HS6ST2: variants seen among roughly 807,000 people sequenced by gnomAD.
The protein encoded by HS6ST2 is heparan-sulfate 6-O-sulfotransferase 2.
A neutral mutation model predicts 33.0 loss-of-function variants in HS6ST2; 17 were observed. The observed-to-expected ratio is 0.52, with a 90% CI of 0.35 to 0.77. The LOEUF is 0.77. Ranked by LOEUF, HS6ST2 falls within the 30% of genes least tolerant of loss-of-function variation. HS6ST2 has a pLI of 0.01. For synonymous variants in HS6ST2, 248 were observed against 237.1 expected (o/e 1.05, Z -0.42); for missense variants, 519 against 551.7 (o/e 0.94, Z 0.59).
chrX:132,708,884 G>A (rs778008390), intron 2 of HS6ST2, among the ~76,000 whole-genome samples: 23 of 112,378 alleles, frequency 2.0e-4, no homozygotes, highest in Non-Finnish European at 3.4e-4. Context: ...AAATGGAAAT[G>A]ACTGATTGAA....
chrX:132,640,258 T>A (rs2063592744), intron 4 of HS6ST2, among the ~76,000 whole-genome samples: 1 of 110,272 alleles, frequency 9.1e-6, no homozygotes, highest in African/African-American at 3.3e-5. Flanking sequence ...ATACAGAGAT[T>A]AAGTGAGAAA....
chrX:132,650,276 A>C (rs1277995597), intron 4 of HS6ST2, among the ~76,000 whole-genome samples: 1 of 111,412 alleles, frequency 9.0e-6, no homozygotes, highest in Non-Finnish European at 1.9e-5. Context: ...TCCTATTTGG[A>C]CAAAGAGGTA....
chrX:132,630,877 G>A (rs775891367), intron 4 of HS6ST2, among the ~76,000 whole-genome samples: 172 of 111,580 alleles, frequency 1.5e-3, no homozygotes, highest in African/African-American at 5.4e-3. Context: ...CCCAGGAGAC[G>A]GAGGTTGCAG....
intron 2 of HS6ST2, among the ~76,000 whole-genome samples, chrX:132,831,961 G>A (rs1336313623): frequency 2.7e-5 from 3 of 111,913 alleles, no homozygotes; most frequent in African/African-American, 9.7e-5. Flanking sequence ...AATAGCTGCA[G>A]AACAACCAAA....
chrX:132,829,363 C>T (rs1330867890), intron 2 of HS6ST2, among the ~76,000 whole-genome samples: 1 of 106,800 alleles, frequency 9.4e-6, no homozygotes, highest in East Asian at 2.9e-4. Context: ...AAATGCTGCT[C>T]AGATAGATCA....
chrX:132,735,633 G>C (rs1229660765), intron 2 of HS6ST2, among the ~76,000 whole-genome samples: 2 of 111,177 alleles, frequency 1.8e-5, no homozygotes, highest in East Asian at 5.7e-4. Context: ...TGGTCTCAAG[G>C]CTTTCTCCAG....
intron 2 of HS6ST2, among the ~76,000 whole-genome samples, chrX:132,951,379 T>C (rs1292768637): frequency 9.0e-6 from 1 of 110,763 alleles, no homozygotes; most frequent in African/African-American, 3.3e-5. Flanking sequence ...TTGCTGGACC[T>C]CAAAAGGTCA....
chrX:132,666,696 T>A (rs2063812692), intron 4 of HS6ST2, among the ~76,000 whole-genome samples: 1 of 111,843 alleles, frequency 8.9e-6, no homozygotes, highest in Admixed American at 9.5e-5. Context: ...TGACTTTTGC[T>A]TTTTTGTTTT....
chrX:132,848,002 T>C (rs1162350784), intron 2 of HS6ST2, among the ~76,000 whole-genome samples: 1 of 112,328 alleles, frequency 8.9e-6, no homozygotes, highest in Non-Finnish European at 1.9e-5. Flanking sequence ...GGATAACGAC[T>C]TGGTTGTAGA....
intron 2 of HS6ST2, among the ~76,000 whole-genome samples, chrX:132,932,753 G>A (rs1351932916): frequency 9.2e-6 from 1 of 108,318 alleles, no homozygotes; most frequent in South Asian, 4.0e-4. Context: ...AAGAAGTAAA[G>A]GAAGGTATAA....
At chrX:132,881,009 C>A (rs1340177384) in intron 2 of HS6ST2, among the ~76,000 whole-genome samples, 1 of 110,559 alleles carries the variant, frequency 9.0e-6, no homozygotes, top group African/African-American at 3.3e-5. Flanking sequence ...GCCACATTTT[C>A]TTAATCCAGT....
intron 2 of HS6ST2, among the ~76,000 whole-genome samples, chrX:132,805,836 A>G (rs1379041946): frequency 9.0e-6 from 1 of 110,561 alleles, no homozygotes; most frequent in East Asian, 2.8e-4. Context: ...GTACTCAGAC[A>G]CCCACTAGAG....
At chrX:132,951,057 A>G (rs1199354564) in intron 2 of HS6ST2, among the ~76,000 whole-genome samples, 1 of 110,971 alleles carries the variant, frequency 9.0e-6, no homozygotes, top group African/African-American at 3.3e-5. Flanking sequence ...AAATCTAGGC[A>G]ACAGGAACCA....
chrX:132,871,651 C>A (rs1212413876), intron 2 of HS6ST2, among the ~76,000 whole-genome samples: 1 of 110,621 alleles, frequency 9.0e-6, no homozygotes, highest in African/African-American at 3.3e-5. Context: ...AAGTTGGAAA[C>A]CATCATTCTC....
chrX:132,860,229 A>G (rs2065898364), intron 2 of HS6ST2, among the ~76,000 whole-genome samples: 1 of 111,976 alleles, frequency 8.9e-6, no homozygotes, highest in Admixed American at 9.4e-5. Flanking sequence ...TGAGCTTATG[A>G]GTGGCATATT....
chrX:132,859,917 G>A (rs2065894361), intron 2 of HS6ST2, among the ~76,000 whole-genome samples: 1 of 88,375 alleles, frequency 1.1e-5, no homozygotes, highest in Non-Finnish European at 2.2e-5. Context: ...AGAAAGGCAA[G>A]CAGGGAAAGG....
intron 4 of HS6ST2, among the ~76,000 whole-genome samples, chrX:132,659,181 T>C (rs900017882): frequency 8.9e-6 from 1 of 112,483 alleles, no homozygotes; most frequent in East Asian, 2.8e-4. Context: ...AATGCTACTT[T>C]AAGCAAGCAC....
intron 3 of HS6ST2, among the ~76,000 whole-genome samples, chrX:132,706,260 A>G (rs965460967): frequency 8.9e-6 from 1 of 112,079 alleles, no homozygotes; most frequent in African/African-American, 3.2e-5. Flanking sequence ...AATATGTAGT[A>G]GAATGTAAAT....
chrX:132,851,181 C>G (rs1430816200), intron 2 of HS6ST2, among the ~76,000 whole-genome samples: 1 of 111,853 alleles, frequency 8.9e-6, no homozygotes, highest in Non-Finnish European at 1.9e-5. Flanking sequence ...AAACACAATA[C>G]AAACCATTAA....
Sources: allele counts gnomAD v4.1 joint callset (sites outside exome capture counted in the v4.1 genomes callset), GRCh38; gene constraint gnomAD v4.1.1; transcripts MANE v1.5; gene names NCBI Gene and HGNC (gene_info 2026-07-23, HGNC 2026-07-21).